C4orf17: variants seen among roughly 807,000 people sequenced by gnomAD.
C4orf17 encodes the protein chromosome 4 open reading frame 17, also known as uncharacterized protein C4orf17.
In C4orf17, 25 loss-of-function variants were observed where a neutral mutation model predicts 32.0. The ratio of observed to expected loss-of-function variants is 0.78; its 90% CI spans 0.57 to 1.09. The LOEUF (loss-of-function observed/expected upper bound fraction) is 1.09. C4orf17 is among the 50% of genes least tolerant of loss of function. The pLI, the probability that C4orf17 is intolerant of heterozygous loss-of-function variation, is 0.00. For synonymous variants in C4orf17, 149 were observed against 145.8 expected (o/e 1.02, Z -0.16); for missense variants, 420 against 420.0 (o/e 1.00, Z 0.00).
intron 3 of C4orf17, among the ~76,000 whole-genome samples, chr4:99,524,025 C>A (rs374055532): frequency 3.4e-5 from 5 of 145,318 alleles, no homozygotes; most frequent in Non-Finnish European, 7.5e-5. Flanking sequence ...TGTCGCCCAG[C>A]CTGGAGTGCA....
intron 5 of C4orf17, among the ~76,000 whole-genome samples, chr4:99,535,609 G>A (rs906236505): frequency 1.3e-5 from 2 of 152,030 alleles, no homozygotes; most frequent in Non-Finnish European, 2.9e-5. Context: ...TCTCTAAACT[G>A]GCTATTCTTG....
At chr4:99,521,878 T>C (rs774723313) in intron 2 of C4orf17, among the ~76,000 whole-genome samples, 1 of 152,224 alleles carries the variant, frequency 6.6e-6, no homozygotes. Flanking sequence ...ATCCTATATT[T>C]GAGCCAAAAG....
At chr4:99,514,988 G>T (rs1723154538) in intron 2 of C4orf17, among the ~76,000 whole-genome samples, 2 of 151,964 alleles carry the variant, frequency 1.3e-5, no homozygotes, top group Non-Finnish European at 2.9e-5. Flanking sequence ...TATTCTAAGT[G>T]AAGTAACTCA....
Position 99,537,766 on chromosome 4 carries a change from A to C in C4orf17, c.628+16A>C. 6.3e-7 allele frequency: 1 copy of C among 1,583,724 alleles called. No individual in the cohort carries two copies. Among genetic ancestry groups the C allele is most frequent in the Non-Finnish European group, 8.7e-7 (1 of 1,155,856 alleles). ...ACTTCAAAAGGTGCGATTAAGATAT[A>C]AATTTTAAAACACTGAGCTCAATTT... On this transcript the variant is annotated intron_variant, in intron 6 of 8. Coordinates refer to ENST00000326581, the MANE Select transcript of C4orf17 (RefSeq NM_032149.3).
chr4:99,524,899 A>T (rs1283692761), intron 4 of C4orf17, among the ~76,000 whole-genome samples: 1 of 152,176 alleles, frequency 6.6e-6, no homozygotes, highest in Admixed American at 6.5e-5. Flanking sequence ...ATTAGCATGG[A>T]CTTTTTTGGA....
At chr4:99,512,955 T>C in intron 1 of C4orf17, 34 bp from the exon 2 acceptor site, 1 of 913,390 alleles carries the variant, frequency 1.1e-6, no homozygotes, top group Non-Finnish European at 1.6e-6. Flanking sequence ...GACAAGAAAC[T>C]CTTGTCAGAA....
At chr4:99,520,575 A>G (rs1244373430) in intron 2 of C4orf17, among the ~76,000 whole-genome samples, 10 of 152,212 alleles carry the variant, frequency 6.6e-5, no homozygotes, top group African/African-American at 2.4e-4. Flanking sequence ...TTGGCAGGCA[A>G]GGGACTAATT....
chr4:99,529,751 G>T, intron 4 of C4orf17, 64 bp from the exon 5 acceptor site: 6 of 1,335,220 alleles, frequency 4.5e-6, no homozygotes, highest in Middle Eastern at 1.9e-4. Context: ...ATTTTACATT[G>T]AATTTTCATA....
intron 2 of C4orf17, among the ~76,000 whole-genome samples, chr4:99,513,412 T>C (rs778657348): frequency 6.6e-6 from 1 of 152,190 alleles, no homozygotes; most frequent in Non-Finnish European, 1.5e-5. Flanking sequence ...CCTCTCTGTG[T>C]TGGACAGTAA....
At position 99,519,687 on chromosome 4, in the gene C4orf17, G is replaced by T. The variant is rs148417144; in HGVS notation, c.128-2813G>T. 2.3e-3 allele frequency among the ~76,000 whole-genome samples: 352 copies of T among 152,270 alleles called. 29 individuals carry two copies. The East Asian group carries it at 0.066, about 29-fold the overall frequency. ...CCTGAGCAATTGATTTCATTCAAAAGATCATTCTAGCTGCATTGTAGAAAG... is the reference window on the plus strand; with the variant it reads ...CCTGAGCAATTGATTTCATTCAAAATATCATTCTAGCTGCATTGTAGAAAG... On this transcript the variant is annotated intron_variant, in intron 2 of 8. Coordinates refer to ENST00000326581, the MANE Select transcript of C4orf17 (RefSeq NM_032149.3).
At chr4:99,530,034 T>G in intron 5 of C4orf17, 76 bp downstream of exon 5, 1 of 1,149,214 alleles carries the variant, frequency 8.7e-7, no homozygotes, top group South Asian at 1.7e-5. Context: ...ACTAGCATCC[T>G]TAAAACTCTT....
At chr4:99,530,088 G>A (rs1723454112) in intron 5 of C4orf17, 130 bp downstream of exon 5, 2 of 690,694 alleles carry the variant, frequency 2.9e-6, no homozygotes, top group Non-Finnish European at 4.5e-6. Context: ...AGACTGCTTA[G>A]CCTGAAATCC....
rs973369863 is a variant in C4orf17, at chr4:99,539,473, A to C, written c.836+103A>C. 1.6e-5 allele frequency: 15 copies of C among 909,126 alleles called. No individual in the cohort carries two copies. In the Admixed American group the frequency reaches 3.2e-4, roughly 19 times the overall value. The allele number at this position is 909,126 out of a possible 1,614,324, so 56.3% of individuals were successfully genotyped here. A position where few individuals can be genotyped will look rare whatever the true frequency, so the allele number is the denominator to read the frequency against. On this transcript the variant is annotated intron_variant, in intron 7 of 8. Transcript: ENST00000326581. ...CAAAATGTTAAACAGGAGGTTCTAA[A>C]GCTCCGCTTTATTCAGTAAGTGACT... is the stretch of plus-strand genomic sequence containing the variant.
At chr4:99,531,477 A>G (rs1723475067) in intron 5 of C4orf17, among the ~76,000 whole-genome samples, 1 of 152,188 alleles carries the variant, frequency 6.6e-6, no homozygotes, top group Admixed American at 6.5e-5. Context: ...TCAATAGAAC[A>G]GCGTGATCCT....
intron 4 of C4orf17, among the ~76,000 whole-genome samples, chr4:99,525,130 A>G (rs540498128): frequency 1.1e-3 from 163 of 152,366 alleles, no homozygotes; most frequent in Non-Finnish European, 1.6e-3. Flanking sequence ...CAAAGCTAAT[A>G]GGAACATTTG....
chr4:99,540,979 G>A (rs1216384866), intron 8 of C4orf17: 1 of 152,706 alleles, frequency 6.5e-6, no homozygotes, highest in African/African-American at 2.4e-5. Flanking sequence ...AAGAATTGTG[G>A]AAAGTCCTAC....
At chr4:99,519,222 C>CATGAGACTGGTTGCGTAGT (rs1723245778) in intron 2 of C4orf17, 1 of 152,160 alleles carries the variant, frequency 6.6e-6, no homozygotes, top group African/African-American at 2.4e-5. Flanking sequence ...ACCAACCAGT[C>CATGAGACTGGTTGCGTAGT]ACTATATACA....
At chr4:99,514,891 G>GT (rs1723152065) in intron 2 of C4orf17, among the ~76,000 whole-genome samples, 1 of 152,126 alleles carries the variant, frequency 6.6e-6, no homozygotes, top group South Asian at 2.1e-4. Context: ...AAACAATGTG[G>GT]TATATATACA....
intron 2 of C4orf17, among the ~76,000 whole-genome samples, chr4:99,514,801 T>C (rs1162422920): frequency 1.3e-5 from 2 of 152,152 alleles, no homozygotes; most frequent in African/African-American, 4.8e-5. Flanking sequence ...AAGACACATG[T>C]ACATGCATGT....
Sources: allele counts gnomAD v4.1 joint callset (sites outside exome capture counted in the v4.1 genomes callset), GRCh38; gene constraint gnomAD v4.1.1; transcripts MANE v1.5; gene names NCBI Gene and HGNC (gene_info 2026-07-23, HGNC 2026-07-21).